The following ACAD9 variants were observed in gnomAD, a reference collection of about 807,000 sequenced individuals.
The protein encoded by ACAD9 is acyl-CoA dehydrogenase family member 9.
ACAD9 carries 53 observed loss-of-function variants against 70.2 expected under a neutral mutation model. The ratio of observed to expected loss-of-function variants is 0.75; its 90% CI spans 0.61 to 0.95. The LOEUF (loss-of-function observed/expected upper bound fraction) is 0.95. Ranked by LOEUF, ACAD9 falls within the 40% of genes least tolerant of loss-of-function variation. ACAD9 has a pLI of 0.00. For synonymous variants in ACAD9, 313 were observed against 312.1 expected (o/e 1.00, Z -0.03); for missense variants, 777 against 802.8 (o/e 0.97, Z 0.39).
intron 1 of ACAD9, among the ~76,000 whole-genome samples, chr3:128,882,283 A>G (rs1334363215): frequency 6.6e-6 from 1 of 152,188 alleles, no homozygotes; most frequent in Non-Finnish European, 1.5e-5. Flanking sequence ...GTTCCCACCC[A>G]ATCCTGCTCC....
chr3:128,895,465 G>C, intron 4 of ACAD9, 49 bp downstream of exon 4: 1 of 1,514,240 alleles, frequency 6.6e-7, no homozygotes, highest in Non-Finnish European at 9.0e-7. Flanking sequence ...GTCTTCTGGA[G>C]TCACATGGAG....
chr3:128,886,263 C>T (rs1043014474), intron 2 of ACAD9, among the ~76,000 whole-genome samples: 11 of 150,898 alleles, frequency 7.3e-5, no homozygotes, highest in Non-Finnish European at 1.5e-4. Context: ...CCACCACGCC[C>T]GGGTAATTTT....
intron 3 of ACAD9, among the ~76,000 whole-genome samples, chr3:128,894,182 G>T (rs2107649191): frequency 6.6e-6 from 1 of 152,258 alleles, no homozygotes; most frequent in Middle Eastern, 3.4e-3. Context: ...TTTACCCTCA[G>T]GCCCTTTTGA....
At chr3:128,880,403 G>T (rs1432504784) in intron 1 of ACAD9, among the ~76,000 whole-genome samples, 1 of 152,174 alleles carries the variant, frequency 6.6e-6, no homozygotes, top group Non-Finnish European at 1.5e-5. Context: ...TTGGCTCGTT[G>T]ACTTTGAAAC....
intron 2 of ACAD9, among the ~76,000 whole-genome samples, chr3:128,887,379 G>C (rs1230913443): frequency 6.6e-6 from 1 of 152,082 alleles, no homozygotes; most frequent in African/African-American, 2.4e-5. Context: ...ACTGAGGGGG[G>C]CAGATTGCTT....
At chr3:128,900,501 GTGCGTGA>G (rs1189085243) in intron 7 of ACAD9, among the ~76,000 whole-genome samples, 2 of 151,078 alleles carry the variant, frequency 1.3e-5, no homozygotes, top group East Asian at 3.9e-4. Context: ...GCCTCCCAAA[GTGCGTGA>G]GCCACCGCAC....
rs752616586 is a variant in ACAD9, at chr3:128,891,445, AC to A, written c.245-2106del. On this transcript the variant is annotated intron_variant, in intron 2 of 17. Transcript: ENST00000308982. Reference sequence around the variant, plus strand: ...AGACCAGTCTGGCCAACAGGGTGAAACCCCGTCTCTACCAAAAATACAAAAA... The same window carrying A: ...AGACCAGTCTGGCCAACAGGGTGAAACCCGTCTCTACCAAAAATACAAAAA... 5.9e-5 allele frequency among the ~76,000 whole-genome samples: 9 copies of A among 151,900 alleles called. No individual in the cohort carries two copies. In the South Asian group the frequency reaches 1.2e-3, roughly 21 times the overall value.
rs1935576277 is a variant in ACAD9 at position 128,896,549 on chromosome 3, A to G, written c.554+13A>G. The G allele has an allele frequency of 6.2e-7, 1 of 1,613,610 alleles. No homozygotes were observed. The highest frequency in any genetic ancestry group is 8.5e-7 in the Non-Finnish European group (1 of 1,179,764). Reference sequence around the variant, plus strand: ...CGGAGCCAGCCAGGTCTGTCTCTGCACAAAACGTTATCCCTCAGCAGCTGT... The same window carrying G: ...CGGAGCCAGCCAGGTCTGTCTCTGCGCAAAACGTTATCCCTCAGCAGCTGT... On this transcript the variant is annotated intron_variant, in intron 5 of 17. Coordinates refer to ENST00000308982, the MANE Select transcript of ACAD9 (RefSeq NM_014049.5).
intron 12 of ACAD9, among the ~76,000 whole-genome samples, chr3:128,906,965 A>G (rs1045275450): frequency 6.6e-6 from 1 of 152,166 alleles, no homozygotes. Context: ...GGGCTCAGCA[A>G]GTGCTGGACA....
At chr3:128,912,218 T>G (rs1936406680) in intron 17 of ACAD9, among the ~76,000 whole-genome samples, 1 of 152,154 alleles carries the variant, frequency 6.6e-6, no homozygotes, top group Admixed American at 6.5e-5. Flanking sequence ...TCTCCTCCAG[T>G]GGGCTGGAAT....
intron 14 of ACAD9, 98 bp downstream of exon 14, chr3:128,909,197 C>T (rs1936023897): frequency 6.2e-7 from 1 of 1,600,152 alleles, no homozygotes; most frequent in Non-Finnish European, 8.5e-7. Context: ...TGGGCTTCTC[C>T]AGGGGAAGTT....
intron 15 of ACAD9, 67 bp from the exon 16 acceptor site, chr3:128,909,954 C>T: frequency 6.3e-7 from 1 of 1,595,202 alleles, no homozygotes; most frequent in Non-Finnish European, 8.5e-7. Flanking sequence ...AGATGCAGCC[C>T]AGGGAGGGAC....
At chr3:128,904,231 GGAA>G in intron 10 of ACAD9, 99 bp downstream of exon 10, 2 of 1,578,286 alleles carry the variant, frequency 1.3e-6, no homozygotes, top group Admixed American at 1.7e-5. Flanking sequence ...TGGTGATTTG[GGAA>G]GAAGACTAGT....
chr3:128,904,311 A>G (rs1049797233), intron 10 of ACAD9, 75 bp from the exon 11 acceptor site: 32 of 1,612,682 alleles, frequency 2.0e-5, no homozygotes, highest in Middle Eastern at 3.3e-4. Flanking sequence ...TGACTTAATT[A>G]CTTTCTCTCC....
rs780117832 is a variant in ACAD9, at chr3:128,879,797, G to C, written c.106G>C (p.Val36Leu). 1 of 1,614,116 alleles carries C rather than the reference G, an allele frequency of 6.2e-7. No individual in the cohort carries two copies. Among genetic ancestry groups the C allele is most frequent in the East Asian group, 2.2e-5 (1 of 44,882 alleles). Reference protein sequence around the residue: ...NRRLLRTSPPVRAFAKELFLG... With the variant: ...NRRLLRTSPPLRAFAKELFLG... ...GCGGCTACTGCGCACCAGCCCGCCT[G>C]TACGAGCTTTCGCCAAAGAGCTTTT... is the stretch of plus-strand genomic sequence containing the variant. Residue 36 changes from valine (V) to leucine (L), a missense_variant, in exon 1 of 18, where the codon GTA (valine) becomes CTA (leucine). Physicochemically the swap from Val to Leu is conservative, Grantham distance 32. Transcript: ENST00000308982.
intron 2 of ACAD9, among the ~76,000 whole-genome samples, chr3:128,885,844 C>T (rs768574906): frequency 5.3e-5 from 8 of 151,974 alleles, no homozygotes; most frequent in Non-Finnish European, 1.0e-4. Flanking sequence ...TGGTGAAACC[C>T]TGTCTCTACT....
intron 2 of ACAD9, 53 bp from the exon 3 acceptor site, chr3:128,893,502 T>C (rs1559822492): frequency 1.5e-6 from 2 of 1,371,190 alleles, no homozygotes; most frequent in Non-Finnish European, 2.1e-6. Flanking sequence ...TGTTTACTTA[T>C]ATTTGTAGAA....
chr3:128,884,987 C>T (rs1170476222), intron 2 of ACAD9, among the ~76,000 whole-genome samples: 1 of 152,202 alleles, frequency 6.6e-6, no homozygotes, highest in East Asian at 1.9e-4. Flanking sequence ...TCCAGGTCAA[C>T]ACTTCCATAA....
At chr3:128,888,909 T>C (rs899555803) in intron 2 of ACAD9, among the ~76,000 whole-genome samples, 15 of 151,532 alleles carry the variant, frequency 9.9e-5, no homozygotes, top group Non-Finnish European at 1.3e-4. Flanking sequence ...GTTTTTTTTT[T>C]TTTCAGGTTT....
Sources: gnomAD v4.1 joint callset for allele counts (sites outside exome capture counted in the v4.1 genomes callset) on GRCh38, gnomAD v4.1.1 for gene constraint, MANE v1.5 for transcripts, NCBI Gene and HGNC (gene_info 2026-07-23, HGNC 2026-07-21) for gene names.